MACO1: variants seen among roughly 807,000 people sequenced by gnomAD.
The protein encoded by MACO1 is macoilin.
MACO1 carries 14 observed loss-of-function variants against 78.7 expected under a neutral mutation model. The observed-to-expected ratio is 0.18, with a 90% CI of 0.12 to 0.28. The LOEUF (loss-of-function observed/expected upper bound fraction) is 0.28, where lower values mean the gene tolerates loss of function less well. MACO1 is among the 10% of genes least tolerant of loss of function. The probability of loss-of-function intolerance (pLI) is 1.00; values close to 1 mark genes in which losing one functional copy is unlikely to be tolerated. For synonymous variants in MACO1, 288 were observed against 291.6 expected (o/e 0.99, Z 0.12); for missense variants, 501 against 799.0 (o/e 0.63, Z 4.50).
chr1:25,452,569 A>G (rs1037800536), intron 3 of MACO1, among the ~76,000 whole-genome samples: 2 of 152,222 alleles, frequency 1.3e-5, no homozygotes, highest in African/African-American at 2.4e-5. Context: ...TTCCATGACA[A>G]TGCAGATCTT....
intron 3 of MACO1, among the ~76,000 whole-genome samples, chr1:25,449,174 T>C (rs1354505911): frequency 6.6e-6 from 1 of 152,250 alleles, no homozygotes; most frequent in African/African-American, 2.4e-5. Context: ...CAGCTCTCAC[T>C]CTGAATATAT....
intron 6 of MACO1, among the ~76,000 whole-genome samples, chr1:25,470,373 T>G (rs910583584): frequency 6.6e-6 from 1 of 152,196 alleles, no homozygotes; most frequent in Non-Finnish European, 1.5e-5. Flanking sequence ...AGAAGAAGAT[T>G]CAGAGCATGT....
intron 9 of MACO1, among the ~76,000 whole-genome samples, chr1:25,490,586 T>A (rs1268814307): frequency 6.6e-6 from 1 of 152,140 alleles, no homozygotes; most frequent in African/African-American, 2.4e-5. Flanking sequence ...AATTTTAAAA[T>A]CTCACCAATG....
At chr1:25,469,640 T>C (rs1172377681) in intron 6 of MACO1, among the ~76,000 whole-genome samples, 3 of 149,632 alleles carry the variant, frequency 2.0e-5, no homozygotes, top group African/African-American at 7.4e-5. Flanking sequence ...TGACTTTTTT[T>C]TTTTTTTTTT....
intron 1 of MACO1, among the ~76,000 whole-genome samples, chr1:25,439,676 T>C (rs1452089987): frequency 6.6e-6 from 1 of 152,080 alleles, no homozygotes; most frequent in Admixed American, 6.6e-5. Flanking sequence ...TTCTGTTTTT[T>C]TTTTTTTTGT....
At chr1:25,474,734 G>A (rs1161309496) in intron 6 of MACO1, among the ~76,000 whole-genome samples, 1 of 152,178 alleles carries the variant, frequency 6.6e-6, no homozygotes, top group African/African-American at 2.4e-5. Flanking sequence ...TCTACATCAA[G>A]ATATTTTTCT....
At chr1:25,450,537 A>G (rs1460942084) in intron 3 of MACO1, among the ~76,000 whole-genome samples, 1 of 152,166 alleles carries the variant, frequency 6.6e-6, no homozygotes, top group Non-Finnish European at 1.5e-5. Context: ...GGGAGCACCA[A>G]ATAATAATAA....
chr1:25,462,842 C>T (rs1456375216), intron 6 of MACO1, among the ~76,000 whole-genome samples: 1 of 62,768 alleles, frequency 1.6e-5, no homozygotes, highest in Non-Finnish European at 4.1e-5. Flanking sequence ...CAGGGATATT[C>T]TTTAGTATGC....
At chr1:25,462,315 A>G (rs1407892169) in intron 6 of MACO1, among the ~76,000 whole-genome samples, 2 of 151,808 alleles carry the variant, frequency 1.3e-5, no homozygotes, top group Non-Finnish European at 2.9e-5. Context: ...TAGATTTAGG[A>G]GGTACACGTG....
intron 4 of MACO1, among the ~76,000 whole-genome samples, chr1:25,454,627 G>A (rs563673771): frequency 4.6e-5 from 7 of 151,096 alleles, no homozygotes; most frequent in South Asian, 2.1e-4. Context: ...GATTACAGGC[G>A]CGTGCCACCA....
chr1:25,444,482 C>T (rs1225769775), intron 1 of MACO1, among the ~76,000 whole-genome samples: 2 of 151,870 alleles, frequency 1.3e-5, no homozygotes, highest in Non-Finnish European at 2.9e-5. Context: ...GTTCTAGACA[C>T]AAGGAAAAAA....
At chr1:25,450,680 T>G (rs988327578) in intron 3 of MACO1, among the ~76,000 whole-genome samples, 14 of 152,356 alleles carry the variant, frequency 9.2e-5, no homozygotes, top group African/African-American at 2.9e-4. Flanking sequence ...TGTTTCACAC[T>G]CTTTCATATC....
At chr1:25,479,579 T>C (rs1452786317) in intron 6 of MACO1, among the ~76,000 whole-genome samples, 3 of 152,142 alleles carry the variant, frequency 2.0e-5, no homozygotes, top group African/African-American at 7.2e-5. Flanking sequence ...GCTGCTTTTT[T>C]TGTATTTTTA....
At chr1:25,483,276 C>G (rs2043396777) in intron 6 of MACO1, among the ~76,000 whole-genome samples, 1 of 152,328 alleles carries the variant, frequency 6.6e-6, no homozygotes, top group African/African-American at 2.4e-5. Context: ...GTCTTGAACT[C>G]CTGACCTCAG....
intron 6 of MACO1, among the ~76,000 whole-genome samples, chr1:25,473,309 G>A (rs1166301878): frequency 6.6e-6 from 1 of 152,016 alleles, no homozygotes; most frequent in Admixed American, 6.6e-5. Flanking sequence ...ACTTAAACAG[G>A]GTTTTTTGTG....
intron 3 of MACO1, 142 bp downstream of exon 3, chr1:25,449,076 C>T (rs1027121146): frequency 7.1e-5 from 45 of 632,390 alleles, no homozygotes; most frequent in Non-Finnish European, 9.9e-5. Context: ...TATAATATAC[C>T]TTCAAAAATA....
intron 3 of MACO1, among the ~76,000 whole-genome samples, chr1:25,452,673 A>G (rs1375944406): frequency 6.6e-6 from 1 of 150,464 alleles, no homozygotes; most frequent in African/African-American, 2.4e-5. Context: ...AATTTTTGCT[A>G]TTGCAAATAA....
In MACO1 at chr1:25,448,988, A is replaced by C. The variant is rs531154575; in HGVS notation, c.349+54A>C. 3.4e-4 allele frequency: 469 copies of C among 1,383,006 alleles called. 1 individual carries two copies. Among genetic ancestry groups the C allele is most frequent in the Non-Finnish European group, 4.3e-4 (448 of 1,052,774 alleles). 85.7% of individuals were successfully genotyped at this position (1,383,006 alleles called of 1,614,324 possible). ...AGAAATCTTAGATTCAAATTTTTAA[A>C]TGTGGTTATTTCTTTGAATACATTA... On this transcript the variant is annotated intron_variant, in intron 3 of 10. Coordinates refer to ENST00000374343, the MANE Select transcript of MACO1 (RefSeq NM_018202.6).
At chr1:25,437,414 C>T (rs1571947472) in intron 1 of MACO1, among the ~76,000 whole-genome samples, 1 of 150,674 alleles carries the variant, frequency 6.6e-6, no homozygotes. Context: ...ACCTTGACCT[C>T]TCAAAGTACT....
Sources: gnomAD v4.1 joint callset for allele counts (sites outside exome capture counted in the v4.1 genomes callset) on GRCh38, gnomAD v4.1.1 for gene constraint, MANE v1.5 for transcripts, NCBI Gene and HGNC (gene_info 2026-07-23, HGNC 2026-07-21) for gene names.